RBM33: variants seen among roughly 807,000 people sequenced by gnomAD.
RBM33 encodes RNA binding motif protein 33, also known as RNA-binding protein 33.
Under a neutral mutation model 132.6 loss-of-function variants are expected in RBM33, and 28 were observed. The observed-to-expected ratio is 0.21, with a 90% CI of 0.16 to 0.29. RBM33 has a LOEUF of 0.29. Ranked by LOEUF, RBM33 falls within the 10% of genes least tolerant of loss-of-function variation. The pLI is 1.00. For missense variants in RBM33, 1,291 were observed against 1,518.5 expected (o/e 0.85, Z 2.49); for synonymous variants, 634 against 593.0 (o/e 1.07, Z -1.01).
In RBM33 at chr7:155,774,859, C is replaced by T. The variant is rs186260011; in HGVS notation, c.3465-134C>T. 18 of 833,900 alleles carry T rather than the reference C, an allele frequency of 2.2e-5. No individual in the cohort carries two copies. Among genetic ancestry groups the T allele is most frequent in the South Asian group, 1.1e-4 (7 of 62,120 alleles). The allele number at this position is 833,900 out of a possible 1,614,324, so 51.7% of individuals were successfully genotyped here. A position where few individuals can be genotyped will look rare whatever the true frequency, so the allele number is the denominator to read the frequency against. ...CCCCTTGTGTTTTAATAGATCTTCC[C>T]GGGGAATCTGCCTTTTTATATGATG... is the stretch of plus-strand genomic sequence containing the variant. On this transcript the variant is annotated intron_variant, in intron 17 of 17. Transcript: ENST00000401878. This position sits in a 1 kb window ranked among gnomAD's most constrained non-coding sequence, Gnocchi z 4.2.
At chr7:155,695,499 G>A (rs1010868500) in intron 5 of RBM33, among the ~76,000 whole-genome samples, 1 of 151,984 alleles carries the variant, frequency 6.6e-6, no homozygotes, top group African/African-American at 2.4e-5. Context: ...TCACTCTGGC[G>A]CCCAGGCTGG....
At chr7:155,678,800 G>T in intron 4 of RBM33, 116 bp downstream of exon 4, 1 of 601,386 alleles carries the variant, frequency 1.7e-6, no homozygotes, top group South Asian at 2.2e-5. Context: ...TTTAACACAT[G>T]ATTACATTCT....
chr7:155,692,639 T>C (rs1173024217), intron 5 of RBM33, among the ~76,000 whole-genome samples: 1 of 152,194 alleles, frequency 6.6e-6, no homozygotes, highest in Non-Finnish European at 1.5e-5. Context: ...ACAGATAACA[T>C]TGTCCTAGTC....
At chr7:155,675,713 A>G (rs959340181) in intron 3 of RBM33, among the ~76,000 whole-genome samples, 1 of 152,110 alleles carries the variant, frequency 6.6e-6, no homozygotes, top group Non-Finnish European at 1.5e-5. Flanking sequence ...AAATCTTACT[A>G]TGCTTTTGGG....
At chr7:155,665,329 T>G (rs1440494171) in intron 2 of RBM33, 76 bp downstream of exon 2, 1 of 1,330,198 alleles carries the variant, frequency 7.5e-7, no homozygotes, top group Non-Finnish European at 1.1e-6. Context: ...TGAGGGATCT[T>G]TACTGAACGC....
At chr7:155,674,716 G>T (rs1342829235) in intron 3 of RBM33, among the ~76,000 whole-genome samples, 1 of 152,166 alleles carries the variant, frequency 6.6e-6, no homozygotes, top group African/African-American at 2.4e-5. Flanking sequence ...GCTGATTGTT[G>T]TAAGTTGCTC....
Position 155,745,527 on chromosome 7 carries a change from G to A in RBM33, c.2904G>A (p.Thr968=), listed in dbSNP as rs375185625. ...AGCCTGGCGTGAAAAGGACTGTCACGCACAGGACAAACAGTGGTGGTGGAG... is the reference window on the plus strand; with the variant it reads ...AGCCTGGCGTGAAAAGGACTGTCACACACAGGACAAACAGTGGTGGTGGAG... ...DTKPGVKRTV[T]HRTNSGGGDG... is the part of the protein sequence containing the mutation. The change falls in exon 14 of 18, where the codon ACG becomes ACA. Residue 968 remains threonine (T), a synonymous_variant. Coordinates refer to ENST00000401878, the MANE Select transcript of RBM33 (RefSeq NM_053043.3). The surrounding 1 kb of genome is among the most constrained non-coding windows in gnomAD (Gnocchi z 4.1). The A allele has an allele frequency of 2.0e-5, 33 of 1,612,232 alleles. No individual in the cohort carries two copies. In the African/African-American group the frequency reaches 2.4e-4, roughly 12 times the overall value.
chr7:155,695,499 G>T (rs1010868500), intron 5 of RBM33, among the ~76,000 whole-genome samples: 4 of 151,984 alleles, frequency 2.6e-5, no homozygotes, highest in African/African-American at 9.7e-5. Flanking sequence ...TCACTCTGGC[G>T]CCCAGGCTGG....
At position 155,745,410 on chromosome 7, in the gene RBM33, A is replaced by C. The variant is rs1315988351; in HGVS notation, c.2787A>C (p.Lys929Asn). 9 of 1,613,670 alleles carry C rather than the reference A, an allele frequency of 5.6e-6. No individual in the cohort carries two copies. Among genetic ancestry groups the C allele is most frequent in the Non-Finnish European group, 7.6e-6 (9 of 1,179,830 alleles). ...VPQSQTQPLH[K>N]VLPIKPADVE... is the part of the protein sequence containing the mutation. ...AAAGTCAGACTCAGCCGCTGCATAA[A>C]GTGCTCCCGATCAAACCTGCAGATG... The change falls in exon 14 of 18, where the codon AAA becomes AAC. Residue 929 changes from lysine to asparagine, a missense_variant. By Grantham distance (94) the Lys-to-Asn change is moderately conservative. Coordinates refer to ENST00000401878, the MANE Select transcript of RBM33 (RefSeq NM_053043.3). This position sits in a 1 kb window ranked among gnomAD's most constrained non-coding sequence, Gnocchi z 4.1.
intron 8 of RBM33, among the ~76,000 whole-genome samples, chr7:155,711,673 C>T (rs553290244): frequency 3.9e-5 from 6 of 152,178 alleles, no homozygotes; most frequent in Non-Finnish European, 8.8e-5. Flanking sequence ...AGCTGCGGTT[C>T]CCAGCCCCGA....
rs1213283630 is a variant in RBM33 at position 155,673,770 on chromosome 7, A to ACGCG, written c.171+856_171+857insGCGC. Reference sequence around the variant, plus strand: ...CGTGTATATACGCGCGCATGCGCGCACACACACACACACACACACACACAC... The same window carrying ACGCG: ...CGTGTATATACGCGCGCATGCGCGCACGCGCACACACACACACACACACACACAC... On this transcript the variant is annotated intron_variant, in intron 3 of 17. Transcript: ENST00000401878. Among the ~76,000 whole-genome samples the ACGCG allele has an allele frequency of 1.6e-5, 2 of 121,684 alleles. 1 individual carries two copies. Among genetic ancestry groups the ACGCG allele is most frequent in the African/African-American group, 7.0e-5 (2 of 28,768 alleles). The allele number at this position is 121,684 out of a possible 152,430, so 79.8% of individuals were successfully genotyped here.
intron 1 of RBM33, among the ~76,000 whole-genome samples, chr7:155,663,882 CAATTCTTTGTTTACTAGG>C (rs1324450315): frequency 1.3e-5 from 2 of 152,148 alleles, no homozygotes; most frequent in African/African-American, 4.8e-5. Context: ...CCTTTAATTT[CAATTCTTTGTTTACTAGG>C]AATAAAGATA....
At chr7:155,657,127 C>A (rs1220918288) in intron 1 of RBM33, among the ~76,000 whole-genome samples, 1 of 152,166 alleles carries the variant, frequency 6.6e-6, no homozygotes, top group Non-Finnish European at 1.5e-5. Context: ...ATGATTTCAA[C>A]AGCCACTTTC....
Position 155,776,144 on chromosome 7 carries a change from T to C in RBM33, c.*1103T>C, listed in dbSNP as rs1441541269. On this transcript the variant is annotated 3_prime_UTR_variant, in exon 18 of 18. Coordinates refer to ENST00000401878, the MANE Select transcript of RBM33 (RefSeq NM_053043.3). This position sits in a 1 kb window ranked among gnomAD's most constrained non-coding sequence, Gnocchi z 4.0. ...GGTAGGTTCCTGTAGGTGAGACATA[T>C]TCTCCATAAAGCTACTGTAGTAGAA... The C allele has an allele frequency of 6.6e-6, 1 of 152,622 alleles. No homozygotes were observed. Among genetic ancestry groups the C allele is most frequent in the Non-Finnish European group, 1.5e-5 (1 of 68,048 alleles). The allele number at this position is 152,622 out of a possible 1,614,324, so 9.5% of individuals were successfully genotyped here.
At chr7:155,728,170 C>A (rs1229879432) in intron 9 of RBM33, among the ~76,000 whole-genome samples, 1 of 152,162 alleles carries the variant, frequency 6.6e-6, no homozygotes, top group Non-Finnish European at 1.5e-5. Context: ...TATCCTGCTA[C>A]CACTTGGCTG....
chr7:155,652,845 G>T (rs1798393866), intron 1 of RBM33, among the ~76,000 whole-genome samples: 1 of 152,098 alleles, frequency 6.6e-6, no homozygotes, highest in African/African-American at 2.4e-5. Flanking sequence ...TAATATGACT[G>T]CTATGAACTG....
chr7:155,724,728 A>G (rs557777242), intron 9 of RBM33, among the ~76,000 whole-genome samples: 2 of 152,206 alleles, frequency 1.3e-5, no homozygotes, highest in East Asian at 3.9e-4. Context: ...CAACCACTGA[A>G]TGTGTCTGTT....
At position 155,773,568 on chromosome 7, in the gene RBM33, C is replaced by CAAAAA. The variant is rs201127157; in HGVS notation, c.3376-968_3376-964dup. Among the ~76,000 whole-genome samples the CAAAAA allele has an allele frequency of 1.7e-3, 86 of 50,472 alleles. 7 individuals carry two copies. Among genetic ancestry groups the CAAAAA allele is most frequent in the African/African-American group, 6.7e-3 (80 of 11,982 alleles). The allele number at this position is 50,472 out of a possible 152,430, so 33.1% of individuals were successfully genotyped here. Reference sequence around the variant, plus strand: ...AGGCAACAGTGCGAGACTCCATCTCCAAAAAAAAAAAAAAAAAAAAAAAAA... The same window carrying CAAAAA: ...AGGCAACAGTGCGAGACTCCATCTCCAAAAAAAAAAAAAAAAAAAAAAAAAAAAAA... On this transcript the variant is annotated intron_variant, in intron 16 of 17. Coordinates refer to ENST00000401878, the MANE Select transcript of RBM33 (RefSeq NM_053043.3).
At chr7:155,744,525 T>G (rs1158171848) in intron 13 of RBM33, among the ~76,000 whole-genome samples, 1 of 152,228 alleles carries the variant, frequency 6.6e-6, no homozygotes, top group African/African-American at 2.4e-5. Flanking sequence ...CTGAAAATTC[T>G]GCACGAAAAA....
Sources: gnomAD v4.1 joint callset for allele counts (sites outside exome capture counted in the v4.1 genomes callset) on GRCh38, gnomAD v4.1.1 for gene constraint, Gnocchi (gnomAD v3.1) non-coding constraint, MANE v1.5 for transcripts, NCBI Gene and HGNC (gene_info 2026-07-23, HGNC 2026-07-21) for gene names.